The following SLC44A5 variants were observed in gnomAD, a reference collection of about 807,000 sequenced individuals.
SLC44A5 encodes solute carrier family 44 member 5, also known as choline transporter-like protein 5.
In SLC44A5, 57 loss-of-function variants were observed where a neutral mutation model predicts 101.8. The ratio of observed to expected loss-of-function variants is 0.56; its 90% CI spans 0.45 to 0.70. The LOEUF is 0.70. Ranked by LOEUF, SLC44A5 falls within the 30% of genes least tolerant of loss-of-function variation. SLC44A5 has a pLI of 0.00. For missense variants in SLC44A5, 737 were observed against 853.1 expected (o/e 0.86, Z 1.70); for synonymous variants, 281 against 290.9 (o/e 0.97, Z 0.35).
intron 2 of SLC44A5, among the ~76,000 whole-genome samples, chr1:75,463,368 C>T (rs920302574): frequency 7.4e-6 from 1 of 134,446 alleles, no homozygotes; most frequent in Non-Finnish European, 1.5e-5. Flanking sequence ...TGCAGTGAGC[C>T]GAGATTGTGC....
chr1:75,258,797 GTGCCCCTCTGGGACGAAGC>G (rs1341798167), intron 6 of SLC44A5, among the ~76,000 whole-genome samples: 1 of 152,002 alleles, frequency 6.6e-6, no homozygotes, highest in East Asian at 1.9e-4. Flanking sequence ...CATCTGGCAG[GTGCCCCTCTGGGACGAAGC>G]TTCCAGAGGA....
At chr1:75,546,364 C>T (rs1280356409) in intron 1 of SLC44A5, among the ~76,000 whole-genome samples, 1 of 11,886 alleles carries the variant, frequency 8.4e-5, no homozygotes, top group Non-Finnish European at 1.7e-4. Context: ...CCCGCCACCG[C>T]GCCCGGCTAA....
intron 2 of SLC44A5, among the ~76,000 whole-genome samples, chr1:75,511,126 G>A (rs751308505): frequency 2.6e-5 from 4 of 152,018 alleles, no homozygotes; most frequent in Admixed American, 6.6e-5. Flanking sequence ...CTGGGCGACG[G>A]AGCGAGACTC....
At chr1:75,243,039 G>C in intron 7 of SLC44A5, 28 bp from the exon 8 acceptor site, 1 of 1,578,654 alleles carries the variant, frequency 6.3e-7, no homozygotes, top group Admixed American at 1.9e-5. Flanking sequence ...GATGAGAACT[G>C]AACTGAGTTG....
At chr1:75,618,689 G>C in the SLC44A5 span, among the ~76,000 whole-genome samples, 1 of 152,164 alleles carries the variant, frequency 6.6e-6, no homozygotes, top group East Asian at 1.9e-4. Context: ...CTACAAACCT[G>C]TGTAAGATGT....
the SLC44A5 span, chr1:75,677,909 C>A: frequency 6.6e-5 from 17 of 257,564 alleles, no homozygotes; most frequent in Middle Eastern, 1.5e-3. Context: ...GTGCACGCAC[C>A]GTGCACGAGC....
At chr1:75,351,135 TA>T (rs1658622998) in intron 3 of SLC44A5, among the ~76,000 whole-genome samples, 1 of 151,722 alleles carries the variant, frequency 6.6e-6, no homozygotes, top group African/African-American at 2.4e-5. Flanking sequence ...CATTTCATAA[TA>T]ATAAAGGTTC....
rs1346034589 is a variant in SLC44A5, at chr1:75,378,896, C to T, written c.52+17687G>A. Among the ~76,000 whole-genome samples the T allele has an allele frequency of 9.9e-4, 78 of 78,650 alleles. 28 individuals carry two copies. The highest frequency in any genetic ancestry group is 6.8e-3 in the African/African-American group (77 of 11,292). 51.6% of individuals were successfully genotyped at this position (78,650 alleles called of 152,430 possible). On this transcript the variant is annotated intron_variant, in intron 3 of 23. Coordinates refer to ENST00000370859, the MANE Select transcript of SLC44A5 (RefSeq NM_001130058.2). ...AAGTCAGTATGGATATCCAGGAATGCCCCCAGCACCACAGGGCAGGGCGCC... is the reference window on the plus strand; with the variant it reads ...AAGTCAGTATGGATATCCAGGAATGTCCCCAGCACCACAGGGCAGGGCGCC...
intron 2 of SLC44A5, among the ~76,000 whole-genome samples, chr1:75,518,824 G>A (rs1669969884): frequency 6.6e-6 from 1 of 152,224 alleles, no homozygotes; most frequent in South Asian, 2.1e-4. Context: ...AGTCAGATTA[G>A]TAGTTGCCTA....
At chr1:75,360,938 G>C (rs1659445524) in intron 3 of SLC44A5, among the ~76,000 whole-genome samples, 1 of 152,106 alleles carries the variant, frequency 6.6e-6, no homozygotes, top group Non-Finnish European at 1.5e-5. Flanking sequence ...TCCATTCCAT[G>C]AACACAAGAT....
intron 1 of SLC44A5, among the ~76,000 whole-genome samples, chr1:75,569,702 G>C (rs1162120905): frequency 6.6e-6 from 1 of 152,136 alleles, no homozygotes; most frequent in Non-Finnish European, 1.5e-5. Context: ...TCAGTTAATA[G>C]GATTCAGATT....
At chr1:75,657,855 ACT>A in the SLC44A5 span, among the ~76,000 whole-genome samples, 1 of 152,048 alleles carries the variant, frequency 6.6e-6, no homozygotes, top group East Asian at 1.9e-4. Context: ...CTATTATACC[ACT>A]CTGTTATTAT....
At chr1:75,487,978 C>A (rs994170085) in intron 2 of SLC44A5, among the ~76,000 whole-genome samples, 2 of 152,156 alleles carry the variant, frequency 1.3e-5, no homozygotes, top group East Asian at 3.9e-4. Context: ...ATTAGATTCC[C>A]ATAGGAGTGC....
chr1:75,582,335 G>C (rs775639661), intron 1 of SLC44A5: 4 of 1,358,502 alleles, frequency 2.9e-6, no homozygotes, highest in Non-Finnish European at 4.1e-6. Context: ...GCCCAAGGAA[G>C]TTAAGCCCAA....
intron 3 of SLC44A5, among the ~76,000 whole-genome samples, chr1:75,348,568 C>T (rs1456368513): frequency 1.3e-5 from 2 of 152,110 alleles, no homozygotes; most frequent in African/African-American, 2.4e-5. Flanking sequence ...TCTATTCCAC[C>T]TGTAGGTGCT....
chr1:75,203,940 G>GTTGTT (rs112399722), intron 23 of SLC44A5, 107 bp from the exon 24 acceptor site: 242 of 1,076,444 alleles, frequency 2.2e-4, no homozygotes, highest in East Asian at 6.9e-4. Context: ...TCCTTTTGTT[G>GTTGTT]TTTTTTTTTT....
intron 2 of SLC44A5, among the ~76,000 whole-genome samples, chr1:75,476,696 G>A (rs112862856): frequency 2.4e-4 from 37 of 152,340 alleles, no homozygotes; most frequent in African/African-American, 7.2e-4. Context: ...GCAAGGCTGC[G>A]GGAGGGGCGC....
At chr1:75,286,929 C>T (rs2100804824) in intron 5 of SLC44A5, among the ~76,000 whole-genome samples, 1 of 152,150 alleles carries the variant, frequency 6.6e-6, no homozygotes, top group Middle Eastern at 3.4e-3. Flanking sequence ...ATATGATGAT[C>T]TTTTTGTGAT....
chr1:75,562,419 C>G (rs946577447), intron 1 of SLC44A5, among the ~76,000 whole-genome samples: 2 of 151,762 alleles, frequency 1.3e-5, no homozygotes, highest in Non-Finnish European at 1.5e-5. Flanking sequence ...ATTTTTAGGC[C>G]AGGTGCAGTG....
Sources: allele counts gnomAD v4.1 joint callset (sites outside exome capture counted in the v4.1 genomes callset), GRCh38; gene constraint gnomAD v4.1.1; transcripts MANE v1.5; gene names NCBI Gene and HGNC (gene_info 2026-07-23, HGNC 2026-07-21).